The following PACS2 variants were observed in gnomAD, a reference collection of about 807,000 sequenced individuals.
The protein encoded by PACS2 is phosphofurin acidic cluster sorting protein 2.
Under a neutral mutation model 113.0 loss-of-function variants are expected in PACS2, and 36 were observed. The ratio of observed to expected loss-of-function variants is 0.32; its 90% CI spans 0.24 to 0.42. PACS2 has a LOEUF of 0.42. PACS2 is among the 10% of genes least tolerant of loss of function. The pLI, the probability that PACS2 is intolerant of heterozygous loss-of-function variation, is 1.00. For missense variants in PACS2, 1,015 were observed against 1,239.5 expected, an observed-to-expected ratio of 0.82 and a Z score of 2.72; for synonymous variants, 589 against 536.1, an observed-to-expected ratio of 1.10 and a Z score of -1.36.
intron 1 of PACS2, among the ~76,000 whole-genome samples, chr14:105,341,016 A>G (rs1303298576): frequency 1.3e-5 from 2 of 152,186 alleles, no homozygotes; most frequent in Non-Finnish European, 2.9e-5. Context: ...GAGCTTGGAG[A>G]CAGCTGGCAG....
intron 18 of PACS2, 105 bp from the exon 19 acceptor site, chr14:105,385,580 G>A (rs1595167396): frequency 1.5e-6 from 1 of 666,330 alleles, no homozygotes; most frequent in East Asian, 2.9e-5. Context: ...TCCCACGCAG[G>A]AGCCCCAGTG....
At chr14:105,364,331 G>T (rs1376040334) in intron 4 of PACS2, among the ~76,000 whole-genome samples, 1 of 128,608 alleles carries the variant, frequency 7.8e-6, no homozygotes, top group African/African-American at 4.1e-5. Flanking sequence ...GGTGGGCGGC[G>T]GCCCGGGGGT....
rs1555415452 is a variant in PACS2, at chr14:105,393,151, C to T, written c.2483-71C>T. On this transcript the variant is annotated intron_variant, in intron 23 of 24. Transcript: ENST00000447393. The stretch of plus-strand genomic sequence containing the variant: ...CTGAGCCCCCAGTGCCTCCCCCACA[C>T]GTACCCCTGGCCCTGGCCCCAGCCC... 3.1e-5 allele frequency: 37 copies of T among 1,201,100 alleles called. 1 individual carries two copies. Among genetic ancestry groups the T allele is most frequent in the South Asian group, 1.6e-4 (13 of 82,612 alleles). 74.4% of individuals were successfully genotyped at this position (1,201,100 alleles called of 1,614,324 possible).
chr14:105,333,959 C>G (rs899637777), intron 1 of PACS2, among the ~76,000 whole-genome samples: 3 of 152,250 alleles, frequency 2.0e-5, no homozygotes, highest in Admixed American at 2.0e-4. Context: ...CAGAAACGCC[C>G]TTGCTGGGCA....
chr14:105,380,950 T>A lies in PACS2; in HGVS notation c.1126-7T>A, dbSNP rs587725072. 2.8e-5 allele frequency: 45 copies of A among 1,608,292 alleles called. No homozygotes were observed. In the African/African-American group the frequency reaches 5.5e-4, roughly 20 times the overall value. On this transcript the variant is annotated splice_polypyrimidine_tract_variant and splice_region_variant and intron_variant, in intron 11 of 24. Coordinates refer to ENST00000447393, the MANE Select transcript of PACS2 (RefSeq NM_001100913.3). ...CGGGAGGCTCCAGGCCCGTCTCTGC[T>A]CAGCAGGGTGTGCCAGGCCCGAGGG... is the stretch of plus-strand genomic sequence containing the variant.
rs1008891830 is a variant in PACS2 at position 105,376,384 on chromosome 14, G to A, written c.802-384G>A. On this transcript the variant is annotated intron_variant, in intron 8 of 24. Transcript: ENST00000447393. The surrounding 1 kb of genome is among the most constrained non-coding windows in gnomAD (Gnocchi z 4.7). ...AGGGCCTGGGGCTGAGGGAGGGGAC[G>A]CACTAGAGGAAGGCAAAGGGGAGCC... Among the ~76,000 whole-genome samples the A allele has an allele frequency of 6.6e-6, 1 of 152,100 alleles. No individual in the cohort carries two copies. Among genetic ancestry groups the A allele is most frequent in the Non-Finnish European group, 1.5e-5 (1 of 68,016 alleles).
At chr14:105,318,572 C>T (rs1255853212) in intron 1 of PACS2, among the ~76,000 whole-genome samples, 1 of 151,906 alleles carries the variant, frequency 6.6e-6, no homozygotes, top group Non-Finnish European at 1.5e-5. Context: ...GCCTCAGCCT[C>T]CCAAGTAGCT....
chr14:105,328,657 G>A (rs920136008), intron 1 of PACS2, among the ~76,000 whole-genome samples: 6 of 152,204 alleles, frequency 3.9e-5, no homozygotes, highest in Non-Finnish European at 7.4e-5. Flanking sequence ...GTCTTGGCGC[G>A]TGGGCTGGAC....
rs113338768 is a variant in PACS2 at position 105,330,961 on chromosome 14, A to AT, written c.119+15938dup. Among the ~76,000 whole-genome samples the AT allele has an allele frequency of 0.044, 6,332 of 142,330 alleles. 216 individuals are homozygous for AT. The highest frequency in any genetic ancestry group is 0.099 in the African/African-American group (3,850 of 39,024). The allele number at this position is 142,330 out of a possible 152,430, so 93.4% of individuals were successfully genotyped here. A position where few individuals can be genotyped will look rare whatever the true frequency, so the allele number is the denominator to read the frequency against. ...GGCTTTGTTGGATGCTGGGGTTGGCATTTTTTTTTTTTTTGAGACAGAGTC... is the reference window on the plus strand; with the variant it reads ...GGCTTTGTTGGATGCTGGGGTTGGCATTTTTTTTTTTTTTTGAGACAGAGTC... On this transcript the variant is annotated intron_variant, in intron 1 of 24. Coordinates refer to ENST00000447393, the MANE Select transcript of PACS2 (RefSeq NM_001100913.3). This position sits in a 1 kb window ranked among gnomAD's most constrained non-coding sequence, Gnocchi z 6.9.
chr14:105,353,032 C>T, intron 3 of PACS2, among the ~76,000 whole-genome samples: 1 of 132,582 alleles, frequency 7.5e-6, no homozygotes, highest in Admixed American at 7.3e-5. Context: ...AGACGGGCAC[C>T]CCCATCACTG....
In PACS2 at chr14:105,368,402, G is replaced by GTCC. The variant is rs782263660; in HGVS notation, c.661-55_661-53dup. On this transcript the variant is annotated intron_variant, in intron 6 of 24. Coordinates refer to ENST00000447393, the MANE Select transcript of PACS2 (RefSeq NM_001100913.3). Reference sequence around the variant, plus strand: ...CATCGCCCACGCTGAGGCTGGCAGGGTCCTGCCAGCACTATGCAGGCTGCC... The same window carrying GTCC: ...CATCGCCCACGCTGAGGCTGGCAGGGTCCTCCTGCCAGCACTATGCAGGCTGCC... The GTCC allele has an allele frequency of 7.8e-5, 105 of 1,343,900 alleles. No homozygotes were observed. In the Middle Eastern group the frequency reaches 5.7e-3, roughly 73 times the overall value. The allele number at this position is 1,343,900 out of a possible 1,614,324, so 83.2% of individuals were successfully genotyped here.
rs782425678 is a variant in PACS2, at chr14:105,379,722, CCT to C, written c.960-16_960-15del. On this transcript the variant is annotated splice_polypyrimidine_tract_variant and intron_variant, in intron 9 of 24. Transcript: ENST00000447393. ...CCTGGAAATTAACGTGTCCCCCACCCCTGTTCCCTGAGCCAGGCCATACTTTG... is the reference window on the plus strand; with the variant it reads ...CCTGGAAATTAACGTGTCCCCCACCCGTTCCCTGAGCCAGGCCATACTTTG... The C allele has an allele frequency of 6.2e-7, 1 of 1,607,008 alleles. No homozygotes were observed. The highest frequency in any genetic ancestry group is 1.7e-5 in the Admixed American group (1 of 59,982).
In PACS2 at chr14:105,366,881, TG is replaced by T. The variant is rs2060960047; in HGVS notation, c.424-331del. Among the ~76,000 whole-genome samples, 1 of 152,170 alleles carries T rather than the reference TG, an allele frequency of 6.6e-6. No homozygotes were observed. Among genetic ancestry groups the T allele is most frequent in the Admixed American group, 6.5e-5 (1 of 15,274 alleles). ...AGATCAGGAGGGCCGCGGACACCCC[TG>T]TCTGTCCATCTCAGTCCCTCGTGAC... On this transcript the variant is annotated intron_variant, in intron 4 of 24. Transcript: ENST00000447393. The surrounding 1 kb of genome is among the most constrained non-coding windows in gnomAD (Gnocchi z 4.3).
At chr14:105,375,681 C>T (rs1033628259) in intron 8 of PACS2, among the ~76,000 whole-genome samples, 3 of 152,184 alleles carry the variant, frequency 2.0e-5, no homozygotes, top group African/African-American at 7.2e-5. Context: ...GGTGTAACAG[C>T]AGGAACCCAC....
At chr14:105,332,800 C>T (rs79576691) in intron 1 of PACS2, among the ~76,000 whole-genome samples, 2,176 of 152,310 alleles carry the variant, frequency 0.014, 57 homozygotes, top group African/African-American at 0.05. Flanking sequence ...CAGTAGGTTA[C>T]AGACACCTTC....
chr14:105,302,120 C>T (rs1442699514), intron 1 of PACS2, among the ~76,000 whole-genome samples: 1 of 148,598 alleles, frequency 6.7e-6, no homozygotes, highest in Non-Finnish European at 1.5e-5. Flanking sequence ...GCCTGGGTGA[C>T]GGGTGACAAG....
intron 1 of PACS2, among the ~76,000 whole-genome samples, chr14:105,332,424 C>G (rs758069822): frequency 6.6e-6 from 1 of 152,168 alleles, no homozygotes; most frequent in South Asian, 2.1e-4. Context: ...GTGGCCCCCT[C>G]GGCTGTGTTC....
At chr14:105,347,465 C>T (rs966898104) in intron 1 of PACS2, among the ~76,000 whole-genome samples, 5 of 152,104 alleles carry the variant, frequency 3.3e-5, no homozygotes, top group South Asian at 2.1e-4. Context: ...CTGTGTCTGG[C>T]GCCTGTTCTG....
At position 105,348,435 on chromosome 14, in the gene PACS2, G is replaced by A; in HGVS notation, c.120-58G>A. 1.5e-6 allele frequency: 2 copies of A among 1,360,762 alleles called. No homozygotes were observed. The highest frequency in any genetic ancestry group is 2.1e-6 in the Non-Finnish European group (2 of 958,828). The allele number at this position is 1,360,762 out of a possible 1,614,324, so 84.3% of individuals were successfully genotyped here. A position where few individuals can be genotyped will look rare whatever the true frequency, so the allele number is the denominator to read the frequency against. Reference sequence around the variant, plus strand: ...GGTGACACAGTGCTGGGACGGCACAGGGCCGCGTCCTGAGGAGAGGGCGGA... The same window carrying A: ...GGTGACACAGTGCTGGGACGGCACAAGGCCGCGTCCTGAGGAGAGGGCGGA... On this transcript the variant is annotated intron_variant, in intron 1 of 24. Transcript: ENST00000447393. This position sits in a 1 kb window ranked among gnomAD's most constrained non-coding sequence, Gnocchi z 6.4.
Sources: gnomAD v4.1 joint callset for allele counts (sites outside exome capture counted in the v4.1 genomes callset) on GRCh38, gnomAD v4.1.1 for gene constraint, Gnocchi (gnomAD v3.1) non-coding constraint, MANE v1.5 for transcripts, NCBI Gene and HGNC (gene_info 2026-07-23, HGNC 2026-07-21) for gene names.